ITFG1: variants seen among roughly 807,000 people sequenced by gnomAD.
The protein encoded by ITFG1 is T-cell immunomodulatory protein.
ITFG1 carries 34 observed loss-of-function variants against 81.8 expected under a neutral mutation model. That is an observed-to-expected ratio of 0.42 (90% CI 0.32 to 0.55). The LOEUF (loss-of-function observed/expected upper bound fraction) is 0.55. Ranked by LOEUF, ITFG1 falls within the 20% of genes least tolerant of loss-of-function variation. The pLI, the probability that ITFG1 is intolerant of heterozygous loss-of-function variation, is 0.17. For synonymous variants in ITFG1, 285 were observed against 270.6 expected (o/e 1.05, Z -0.52); for missense variants, 672 against 755.4 (o/e 0.89, Z 1.29).
chr16:47,307,112 A>AAAC (rs1967178959), intron 10 of ITFG1, among the ~76,000 whole-genome samples: 1 of 147,610 alleles, frequency 6.8e-6, no homozygotes, highest in African/African-American at 2.5e-5. Flanking sequence ...AAAAAAAAAA[A>AAAC]AAAAAAAAAA....
chr16:47,158,448 C>T (rs1287341823), intron 17 of ITFG1, among the ~76,000 whole-genome samples: 2 of 152,174 alleles, frequency 1.3e-5, no homozygotes, highest in African/African-American at 4.8e-5. Context: ...ATAATTTAAC[C>T]TCTTTTCACT....
At chr16:47,429,530 A>G (rs1459668085) in intron 5 of ITFG1, among the ~76,000 whole-genome samples, 1 of 152,200 alleles carries the variant, frequency 6.6e-6, no homozygotes, top group African/African-American at 2.4e-5. Flanking sequence ...CCACTTCACC[A>G]TCTTACATTT....
intron 14 of ITFG1, among the ~76,000 whole-genome samples, chr16:47,201,339 G>A (rs765809435): frequency 2.0e-5 from 3 of 151,580 alleles, no homozygotes; most frequent in Non-Finnish European, 4.4e-5. Flanking sequence ...CTCCCAAGTA[G>A]CTGGGACTAC....
chr16:47,444,701 A>G (rs533045531), intron 5 of ITFG1, among the ~76,000 whole-genome samples: 1 of 152,320 alleles, frequency 6.6e-6, no homozygotes, highest in Non-Finnish European at 1.5e-5. Context: ...AAGATACCAA[A>G]TATACAACAA....
intron 14 of ITFG1, among the ~76,000 whole-genome samples, chr16:47,205,786 CAG>C (rs1278595631): frequency 1.3e-5 from 2 of 152,078 alleles, no homozygotes; most frequent in Admixed American, 6.6e-5. Context: ...TTTAATTAAT[CAG>C]AGTCATAGTT....
At chr16:47,326,658 C>G (rs1316986133) in intron 8 of ITFG1, among the ~76,000 whole-genome samples, 9 of 152,180 alleles carry the variant, frequency 5.9e-5, no homozygotes, top group Non-Finnish European at 1.2e-4. Context: ...GCAAAAATCA[C>G]AAGCATTCTT....
At chr16:47,211,084 G>A (rs1965555665) in intron 14 of ITFG1, among the ~76,000 whole-genome samples, 1 of 152,096 alleles carries the variant, frequency 6.6e-6, no homozygotes, top group African/African-American at 2.4e-5. Context: ...ACGTGGAAAG[G>A]AATTGTGTTA....
At chr16:47,257,045 A>G (rs969133830) in intron 12 of ITFG1, among the ~76,000 whole-genome samples, 1 of 152,258 alleles carries the variant, frequency 6.6e-6, no homozygotes, top group Non-Finnish European at 1.5e-5. Flanking sequence ...TATAGCTAAT[A>G]TAACACTTAA....
At chr16:47,350,493 G>A (rs550464375) in intron 8 of ITFG1, among the ~76,000 whole-genome samples, 14 of 151,768 alleles carry the variant, frequency 9.2e-5, no homozygotes, top group Admixed American at 4.6e-4. Flanking sequence ...TGACACATAC[G>A]TCCTCCCAAG....
chr16:47,409,819 A>G (rs1968787821), intron 6 of ITFG1, among the ~76,000 whole-genome samples: 1 of 152,102 alleles, frequency 6.6e-6, no homozygotes, highest in African/African-American at 2.4e-5. Flanking sequence ...GATGAATTTG[A>G]TTAGTAAATA....
intron 12 of ITFG1, among the ~76,000 whole-genome samples, chr16:47,243,028 A>G (rs952813040): frequency 1.3e-5 from 2 of 152,156 alleles, no homozygotes; most frequent in South Asian, 4.1e-4. Context: ...ATATATATGT[A>G]TTCTTTAACA....
At chr16:47,458,856 G>C (rs1969485448) in intron 2 of ITFG1, among the ~76,000 whole-genome samples, 1 of 151,986 alleles carries the variant, frequency 6.6e-6, no homozygotes, top group African/African-American at 2.4e-5. Flanking sequence ...ATACGAGATT[G>C]CAAGGAAATA....
intron 8 of ITFG1, among the ~76,000 whole-genome samples, chr16:47,327,427 T>C (rs904176049): frequency 3.9e-5 from 6 of 152,182 alleles, no homozygotes; most frequent in Non-Finnish European, 5.9e-5. Flanking sequence ...AAGGACTGCA[T>C]GTCTAAAACA....
At chr16:47,312,807 C>T (rs1325916034) in intron 9 of ITFG1, 1 of 152,036 alleles carries the variant, frequency 6.6e-6, no homozygotes, top group Non-Finnish European at 1.5e-5. Context: ...ATAATAGTCA[C>T]CAAAGAACTG....
chr16:47,223,722 C>T (rs1305553540), intron 13 of ITFG1, among the ~76,000 whole-genome samples: 4 of 152,154 alleles, frequency 2.6e-5, no homozygotes, highest in Admixed American at 1.3e-4. Context: ...TGGGTATATA[C>T]CCAAAGGACT....
intron 13 of ITFG1, among the ~76,000 whole-genome samples, chr16:47,221,370 A>C (rs538853661): frequency 2.0e-5 from 3 of 152,108 alleles, no homozygotes; most frequent in Non-Finnish European, 4.4e-5. Context: ...GGTTCTGTTT[A>C]TATGCTGGAT....
Position 47,331,868 on chromosome 16 carries a change from T to C in ITFG1, c.803-18045A>G, listed in dbSNP as rs1427426541. ...CTTTTACTCAGACGATAAACATCTT[T>C]AATTCCCTTCAAAGCTGTAATTATA... On this transcript the variant is annotated intron_variant, in intron 8 of 17. Coordinates refer to ENST00000320640, the MANE Select transcript of ITFG1 (RefSeq NM_030790.5). Among the ~76,000 whole-genome samples the C allele has an allele frequency of 2.0e-5, 3 of 152,194 alleles. No homozygotes were observed. The East Asian group carries it at 5.8e-4, about 29-fold the overall frequency.
intron 13 of ITFG1, among the ~76,000 whole-genome samples, chr16:47,235,117 G>A (rs1596824614): frequency 6.6e-6 from 1 of 152,140 alleles, no homozygotes; most frequent in African/African-American, 2.4e-5. Context: ...AATACAGAGG[G>A]GTAGTGCCAA....
intron 14 of ITFG1, among the ~76,000 whole-genome samples, chr16:47,207,148 T>C (rs1965509285): frequency 6.6e-6 from 1 of 152,196 alleles, no homozygotes; most frequent in South Asian, 2.1e-4. Context: ...AGTGGCGCCA[T>C]CTCGGCTCAC....
Sources: allele counts gnomAD v4.1 joint callset (sites outside exome capture counted in the v4.1 genomes callset), GRCh38; gene constraint gnomAD v4.1.1; transcripts MANE v1.5; gene names NCBI Gene and HGNC (gene_info 2026-07-23, HGNC 2026-07-21).